CHN2: variants seen among roughly 807,000 people sequenced by gnomAD.
The protein encoded by CHN2 is chimerin 2.
Under a neutral mutation model 56.3 loss-of-function variants are expected in CHN2, and 35 were observed. That is an observed-to-expected ratio of 0.62 (90% CI 0.47 to 0.82). CHN2 has a LOEUF of 0.82. CHN2 is among the 40% of genes least tolerant of loss of function. The probability of loss-of-function intolerance (pLI) is 0.00; values close to 1 mark genes in which losing one functional copy is unlikely to be tolerated. For synonymous variants in CHN2, 210 were observed against 212.8 expected, an observed-to-expected ratio of 0.99 and a Z score of 0.12; for missense variants, 491 against 580.5, an observed-to-expected ratio of 0.85 and a Z score of 1.58.
chr7:29,431,909 T>C (rs1056756163), intron 6 of CHN2, among the ~76,000 whole-genome samples: 4 of 152,222 alleles, frequency 2.6e-5, no homozygotes, highest in Non-Finnish European at 5.9e-5. Context: ...CTCAGTTAGG[T>C]GGAAATGCTA....
rs552072483 is a variant in CHN2 at position 29,196,173 on chromosome 7, A to T, written c.49+1183A>T. On this transcript the variant is annotated intron_variant, in intron 1 of 12. Coordinates refer to ENST00000222792, the MANE Select transcript of CHN2 (RefSeq NM_004067.4). ...AAGGCAACCACAGCTTTAGATGTGTAACTCACTAAATCATAAATGCAAGGT... is the reference window on the plus strand; with the variant it reads ...AAGGCAACCACAGCTTTAGATGTGTTACTCACTAAATCATAAATGCAAGGT... Among the ~76,000 whole-genome samples, 12 of 152,360 alleles carry T rather than the reference A, an allele frequency of 7.9e-5. No homozygotes were observed. In the South Asian group the frequency reaches 2.5e-3, roughly 32 times the overall value.
intron 1 of CHN2, among the ~76,000 whole-genome samples, chr7:29,349,615 C>T (rs1239106718): frequency 1.3e-5 from 2 of 152,274 alleles, no homozygotes; most frequent in Non-Finnish European, 2.9e-5. Context: ...TATCTTTGTA[C>T]ATGTGTTCAA....
chr7:29,296,011 T>A (rs529381486), intron 1 of CHN2, among the ~76,000 whole-genome samples: 11 of 152,078 alleles, frequency 7.2e-5, no homozygotes, highest in African/African-American at 2.7e-4. Flanking sequence ...GTTGAATAAA[T>A]ATGTGTTGTA....
At chr7:29,166,195 T>C (rs1795894375) in intron 2 of CHN2, among the ~76,000 whole-genome samples, 1 of 151,922 alleles carries the variant, frequency 6.6e-6, no homozygotes, top group Non-Finnish European at 1.5e-5. Flanking sequence ...CACATCCAGT[T>C]TTTTTTTGTT....
chr7:29,273,326 CATATATATATATATGTGTAT>C (rs1203431867), intron 1 of CHN2, among the ~76,000 whole-genome samples: 8 of 79,786 alleles, frequency 1.0e-4, no homozygotes, highest in South Asian at 8.5e-4. Context: ...TTCCATCATG[CATATATATATATATGTGTAT>C]ATATATATAT....
At chr7:29,394,153 A>T (rs1180274775) in intron 4 of CHN2, among the ~76,000 whole-genome samples, 1 of 152,202 alleles carries the variant, frequency 6.6e-6, no homozygotes, top group African/African-American at 2.4e-5. Context: ...GCAGTCTCAT[A>T]AAACCCAAAT....
intron 2 of CHN2, among the ~76,000 whole-genome samples, chr7:29,188,574 C>T (rs746857417): frequency 2.0e-5 from 3 of 151,410 alleles, no homozygotes; most frequent in Admixed American, 6.6e-5. Flanking sequence ...TGTTATTGAA[C>T]GTATAGCTGC....
Position 29,292,875 on chromosome 7 carries a change from G to A in CHN2, c.50-61750G>A, listed in dbSNP as rs184541151. The A allele has an allele frequency of 1.2e-3, 561 of 456,064 alleles. 1 individual carries two copies. Among genetic ancestry groups the A allele is most frequent in the South Asian group, 2.3e-3 (150 of 64,548 alleles). The allele number at this position is 456,064 out of a possible 1,614,324, so 28.3% of individuals were successfully genotyped here. A position where few individuals can be genotyped will look rare whatever the true frequency, so the allele number is the denominator to read the frequency against. ...TTGGGGAAGAAAATATATCTGTCACGGATTACAATAACCTCTTAACTGGCT... is the reference window on the plus strand; with the variant it reads ...TTGGGGAAGAAAATATATCTGTCACAGATTACAATAACCTCTTAACTGGCT... On this transcript the variant is annotated intron_variant, in intron 1 of 12. Transcript: ENST00000222792.
At chr7:29,496,155 G>A (rs950515140) in intron 8 of CHN2, 119 bp downstream of exon 8, 1 of 720,918 alleles carries the variant, frequency 1.4e-6, no homozygotes, top group African/African-American at 1.8e-5. Flanking sequence ...GCCTTCTGCA[G>A]GGTTCAAGGC....
At chr7:29,374,562 G>A (rs953002406) in intron 3 of CHN2, among the ~76,000 whole-genome samples, 2 of 152,112 alleles carry the variant, frequency 1.3e-5, no homozygotes, top group East Asian at 3.9e-4. Flanking sequence ...ACATTTCCAA[G>A]GTGAGGTCAT....
intron 11 of CHN2, among the ~76,000 whole-genome samples, chr7:29,507,588 A>G (rs1441860168): frequency 6.6e-6 from 1 of 152,138 alleles, no homozygotes; most frequent in Non-Finnish European, 1.5e-5. Flanking sequence ...AGTTCTGTCC[A>G]CATTGTTCCT....
At chr7:29,344,799 C>T (rs1405629313) in intron 1 of CHN2, among the ~76,000 whole-genome samples, 1 of 152,172 alleles carries the variant, frequency 6.6e-6, no homozygotes, top group Non-Finnish European at 1.5e-5. Flanking sequence ...AGAGGTGATC[C>T]GTCAAGGTGT....
chr7:29,344,496 A>G (rs1797275235), intron 1 of CHN2, among the ~76,000 whole-genome samples: 1 of 152,092 alleles, frequency 6.6e-6, no homozygotes, highest in South Asian at 2.1e-4. Flanking sequence ...TGTTTCAGCC[A>G]GCAAGCTGAG....
chr7:29,261,306 C>T (rs1789532815), intron 1 of CHN2, among the ~76,000 whole-genome samples: 1 of 152,178 alleles, frequency 6.6e-6, no homozygotes, highest in Admixed American at 6.5e-5. Flanking sequence ...CCATTGCCTC[C>T]CTAACTTGGC....
At chr7:29,308,308 C>T (rs1794326970) in intron 1 of CHN2, among the ~76,000 whole-genome samples, 3 of 152,162 alleles carry the variant, frequency 2.0e-5, no homozygotes, top group African/African-American at 7.2e-5. Context: ...CCAGATCTTC[C>T]AAGAACCGGC....
intron 1 of CHN2, among the ~76,000 whole-genome samples, chr7:29,220,916 A>C (rs1206807212): frequency 6.6e-6 from 1 of 152,200 alleles, no homozygotes; most frequent in Non-Finnish European, 1.5e-5. Flanking sequence ...GATATGTAAA[A>C]GAATATGTCA....
rs566666128 is a variant in CHN2 at position 29,453,525 on chromosome 7, TGA to T, written c.577-26746_577-26745del. Among the ~76,000 whole-genome samples, 4 of 152,146 alleles carry T rather than the reference TGA, an allele frequency of 2.6e-5. No individual in the cohort carries two copies. In the South Asian group the frequency reaches 6.2e-4, roughly 24 times the overall value. ...ATGGGAAGAGGAGCCTCTCCAGCTC[TGA>T]GAGAGAGTTAGGACGCCCCCCCACG... On this transcript the variant is annotated intron_variant, in intron 6 of 12. Transcript: ENST00000222792.
chr7:29,278,645 C>A (rs1251064620), intron 1 of CHN2, among the ~76,000 whole-genome samples: 2 of 152,214 alleles, frequency 1.3e-5, no homozygotes, highest in Non-Finnish European at 2.9e-5. Flanking sequence ...CAAACCACGA[C>A]CTTGCTGCAG....
chr7:29,382,523 G>T (rs1204646450), intron 3 of CHN2, among the ~76,000 whole-genome samples: 6 of 152,226 alleles, frequency 3.9e-5, no homozygotes, highest in Non-Finnish European at 8.8e-5. Context: ...GGATCTGGGA[G>T]CATAAGCAAA....
Sources: allele counts gnomAD v4.1 joint callset (sites outside exome capture counted in the v4.1 genomes callset), GRCh38; gene constraint gnomAD v4.1.1; transcripts MANE v1.5; gene names NCBI Gene and HGNC (gene_info 2026-07-23, HGNC 2026-07-21).